The following CHRDL2 variants were observed in gnomAD, a reference collection of about 807,000 sequenced individuals.
CHRDL2 encodes the protein chordin-like protein 2.
A neutral mutation model predicts 54.3 loss-of-function variants in CHRDL2; 41 were observed. That is an observed-to-expected ratio of 0.76 (90% CI 0.59 to 0.98). The LOEUF (loss-of-function observed/expected upper bound fraction) is 0.98. Ranked by LOEUF, CHRDL2 falls within the 50% of genes least tolerant of loss-of-function variation. The pLI, the probability that CHRDL2 is intolerant of heterozygous loss-of-function variation, is 0.00. For missense variants in CHRDL2, 518 were observed against 562.4 expected, an observed-to-expected ratio of 0.92 and a Z score of 0.80; for synonymous variants, 220 against 224.3, an observed-to-expected ratio of 0.98 and a Z score of 0.17.
intron 9 of CHRDL2, among the ~76,000 whole-genome samples, chr11:74,700,286 G>T (rs1033023452): frequency 6.6e-6 from 1 of 152,264 alleles, no homozygotes; most frequent in Non-Finnish European, 1.5e-5. Flanking sequence ...GCATATGGGC[G>T]TGAGCTCTGG....
rs143579139 is a variant in CHRDL2, at chr11:74,724,100, C to T, written c.83-5268G>A. Among the ~76,000 whole-genome samples the T allele has an allele frequency of 4.8e-4, 73 of 152,334 alleles. 1 individual carries two copies. In the East Asian group the frequency reaches 0.011, roughly 23 times the overall value. ...GATACAATACATTCAGTCTGACAAA[C>T]GCTATGATGGCGTGAGCATAGGGTC... On this transcript the variant is annotated intron_variant, in intron 1 of 10. Coordinates refer to ENST00000376332, the MANE Select transcript of CHRDL2 (RefSeq NM_001278473.3).
At chr11:74,700,641 T>TA (rs2033774373) in intron 9 of CHRDL2, among the ~76,000 whole-genome samples, 1 of 132,088 alleles carries the variant, frequency 7.6e-6, no homozygotes, top group African/African-American at 2.9e-5. Context: ...ATTATTATTA[T>TA]TATTTTTTTT....
intron 5 of CHRDL2, among the ~76,000 whole-genome samples, chr11:74,707,901 A>T (rs1355903198): frequency 6.6e-6 from 1 of 152,060 alleles, no homozygotes; most frequent in Non-Finnish European, 1.5e-5. Flanking sequence ...GGCTCAATGG[A>T]GAGATAGTTG....
chr11:74,696,781 C>A (rs2033608703), intron 10 of CHRDL2, among the ~76,000 whole-genome samples, 196 bp from the exon 11 acceptor site: 1 of 152,200 alleles, frequency 6.6e-6, no homozygotes. Flanking sequence ...TTCAAACAAC[C>A]TTGGGGGACA....
At chr11:74,701,932 C>T (rs906085947) in intron 9 of CHRDL2, among the ~76,000 whole-genome samples, 11 of 152,208 alleles carry the variant, frequency 7.2e-5, no homozygotes, top group Non-Finnish European at 1.5e-4. Context: ...AGAAAGGCCA[C>T]GAAACTGAAC....
intron 2 of CHRDL2, 69 bp downstream of exon 2, chr11:74,718,651 T>G: frequency 9.5e-7 from 1 of 1,057,920 alleles, no homozygotes; most frequent in Non-Finnish European, 1.4e-6. Context: ...GTCCTCCTTC[T>G]GGGGTGACTT....
chr11:74,718,938 T>C (rs2034436811), intron 1 of CHRDL2, 106 bp from the exon 2 acceptor site: 1 of 711,562 alleles, frequency 1.4e-6, no homozygotes, highest in Non-Finnish European at 2.4e-6. Flanking sequence ...TCTGGGCCAC[T>C]CAGGCAAAAG....
At chr11:74,715,211 G>C (rs1191903396) in intron 2 of CHRDL2, among the ~76,000 whole-genome samples, 2 of 152,148 alleles carry the variant, frequency 1.3e-5, no homozygotes, top group East Asian at 3.9e-4. Flanking sequence ...AGGTCTACTG[G>C]GTGCCAGGCC....
At chr11:74,727,605 A>G (rs541381918) in intron 1 of CHRDL2, among the ~76,000 whole-genome samples, 24 of 152,044 alleles carry the variant, frequency 1.6e-4, no homozygotes, top group African/African-American at 4.8e-4. Flanking sequence ...GGGTCTTGCT[A>G]TGTTTCTCAG....
In CHRDL2 at chr11:74,711,009, C is replaced by T. The variant is rs749117194; in HGVS notation, c.290-18G>A. ...GTGAGGTTCTGCAGTGGGGGAGGGG[C>T]AGGAGGAAGAAGAAAATGAGGTTTC... On this transcript the variant is annotated intron_variant, in intron 3 of 10. Coordinates refer to ENST00000376332, the MANE Select transcript of CHRDL2 (RefSeq NM_001278473.3). 3.8e-6 allele frequency: 6 copies of T among 1,598,424 alleles called. No homozygotes were observed. The South Asian group carries it at 6.7e-5, about 18-fold the overall frequency.
intron 1 of CHRDL2, among the ~76,000 whole-genome samples, chr11:74,722,815 C>A (rs1433771): frequency 0.39 from 59,388 of 151,916 alleles, 13,571 homozygotes; most frequent in Admixed American, 0.55. Context: ...AGACCTTGGG[C>A]GGGGATACAG....
chr11:74,703,296 C>A lies in CHRDL2; in HGVS notation c.946+9G>T, dbSNP rs548571834. 6.3e-7 allele frequency: 1 copy of A among 1,590,136 alleles called. No individual in the cohort carries two copies. Among genetic ancestry groups the A allele is most frequent in the Admixed American group, 1.7e-5 (1 of 58,458 alleles). The stretch of plus-strand genomic sequence containing the variant: ...CAGCGCCCTCCTTGCTCCCAGTGCC[C>A]CTGTGTACCTGGGCAAATCTTGCAG... On this transcript the variant is annotated intron_variant, in intron 8 of 10. Coordinates refer to ENST00000376332, the MANE Select transcript of CHRDL2 (RefSeq NM_001278473.3).
At chr11:74,700,640 A>AT (rs1454728912) in intron 9 of CHRDL2, among the ~76,000 whole-genome samples, 1,660 of 141,548 alleles carry the variant, frequency 0.012, 28 homozygotes, top group African/African-American at 0.028. Flanking sequence ...TATTATTATT[A>AT]TTATTTTTTT....
chr11:74,727,324 T>G (rs1486815672), intron 1 of CHRDL2, among the ~76,000 whole-genome samples: 3 of 152,160 alleles, frequency 2.0e-5, no homozygotes, highest in African/African-American at 7.2e-5. Flanking sequence ...GTCCCATGCC[T>G]GCGTCTAGGG....
intron 2 of CHRDL2, among the ~76,000 whole-genome samples, chr11:74,713,977 C>T (rs1479019962): frequency 6.6e-6 from 1 of 152,092 alleles, no homozygotes; most frequent in African/African-American, 2.4e-5. Context: ...TTGGGTAATC[C>T]TGGACAAAGC....
chr11:74,704,612 T>C lies in CHRDL2; in HGVS notation c.625A>G (p.Arg209Gly). 1 of 1,604,250 alleles carries C rather than the reference T, an allele frequency of 6.2e-7. No individual in the cohort carries two copies. The highest frequency in any genetic ancestry group is 8.5e-7 in the Non-Finnish European group (1 of 1,175,612). ...GTGGGGGCTGGGGTGCCCGGGCCTC[T>C]CTTTCTCCCAGCATCACTGGAACAT... is the stretch of plus-strand genomic sequence containing the variant. ...DPCSSDAGRK[R>G]GPGTPAPTGL... Residue 209 changes from arginine (R) to glycine (G), a missense_variant, in exon 7 of 11, where the codon AGA (arginine) becomes GGA (glycine). Physicochemically the swap from Arg to Gly is moderately radical, Grantham distance 125. Transcript: ENST00000376332.
intron 9 of CHRDL2, 43 bp from the exon 10 acceptor site, chr11:74,697,340 T>TA (rs759412252): frequency 7.0e-7 from 1 of 1,427,554 alleles, no homozygotes. Flanking sequence ...GGCAAAAACC[T>TA]ACAGTCGGTG....
At chr11:74,703,667 C>G (rs1565149378) in intron 7 of CHRDL2, among the ~76,000 whole-genome samples, 168 bp from the exon 8 acceptor site, 1 of 152,238 alleles carries the variant, frequency 6.6e-6, no homozygotes, top group Non-Finnish European at 1.5e-5. Context: ...GTCCCCTCTC[C>G]CTGACACTGC....
chr11:74,716,268 G>A (rs1287021694), intron 2 of CHRDL2, among the ~76,000 whole-genome samples: 2 of 152,188 alleles, frequency 1.3e-5, no homozygotes, highest in East Asian at 3.8e-4. Flanking sequence ...CAGGCGTGGT[G>A]GCTCATGCCT....
Sources: gnomAD v4.1 joint callset for allele counts (sites outside exome capture counted in the v4.1 genomes callset) on GRCh38, gnomAD v4.1.1 for gene constraint, MANE v1.5 for transcripts, NCBI Gene and HGNC (gene_info 2026-07-23, HGNC 2026-07-21) for gene names.